Variants in ANKS6 observed in about 807,000 individuals in gnomAD.
The protein encoded by ANKS6 is ankyrin repeat and sterile alpha motif domain containing 6, also known as ankyrin repeat and SAM domain-containing protein 6.
A neutral mutation model predicts 77.9 loss-of-function variants in ANKS6; 47 were observed. That is an observed-to-expected ratio of 0.60 (90% CI 0.48 to 0.77). The LOEUF is 0.77. ANKS6 is among the 30% of genes least tolerant of loss of function. The pLI is 0.00. For synonymous variants in ANKS6, 488 were observed against 501.7 expected (o/e 0.97, Z 0.37); for missense variants, 1,150 against 1,159.1 (o/e 0.99, Z 0.11).
chr9:98,767,514 A>G (rs1833367151), intron 11 of ANKS6, among the ~76,000 whole-genome samples: 1 of 152,182 alleles, frequency 6.6e-6, no homozygotes, highest in African/African-American at 2.4e-5. Flanking sequence ...CTGTGTCCTT[A>G]GAGCGGTTGC....
At chr9:98,750,932 A>C in intron 13 of ANKS6, 97 bp downstream of exon 13, 1 of 919,130 alleles carries the variant, frequency 1.1e-6, no homozygotes, top group Non-Finnish European at 1.7e-6. Flanking sequence ...TCAGTGCAAG[A>C]GATCAATCTA....
chr9:98,736,699 G>A, intron 14 of ANKS6, 76 bp from the exon 15 acceptor site: 1 of 1,503,952 alleles, frequency 6.6e-7, no homozygotes. Context: ...ACACAGTGTT[G>A]TTAATGTTCA....
Position 98,784,149 on chromosome 9 carries a change from G to A in ANKS6, c.916C>T (p.Gln306Ter). ...IFHALKMGNF[Q>*]LVKEIADEDP... The stretch of plus-strand genomic sequence containing the variant: ...TCATCGGCAATCTCTTTGACCAGCT[G>A]GAAGTTTCCTGCAAACACAAGCAGG... Residue 306 changes from glutamine (Q) to a stop codon, truncating the protein, a stop_gained, in exon 4 of 15, where the codon CAG becomes TAG. Coordinates refer to ENST00000353234, the MANE Select transcript of ANKS6 (RefSeq NM_173551.5). LOFTEE classifies it high-confidence loss of function. The A allele has an allele frequency of 6.6e-7, 1 of 1,524,252 alleles. No homozygotes were observed. Among genetic ancestry groups the A allele is most frequent in the Non-Finnish European group, 8.9e-7 (1 of 1,128,428 alleles). 94.4% of individuals were successfully genotyped at this position (1,524,252 alleles called of 1,614,324 possible).
intron 1 of ANKS6, among the ~76,000 whole-genome samples, chr9:98,792,137 ACCACACCTTCCCGCCTTCC>A (rs1470847363): frequency 6.6e-6 from 1 of 151,522 alleles, no homozygotes; most frequent in Non-Finnish European, 1.5e-5. Flanking sequence ...CTGCTCCCAA[ACCACACCTTCCCGCCTTCC>A]CCACACCTTC....
chr9:98,741,332 T>C (rs1771482447), intron 14 of ANKS6, among the ~76,000 whole-genome samples: 1 of 152,194 alleles, frequency 6.6e-6, no homozygotes, highest in Non-Finnish European at 1.5e-5. Context: ...TGGGTGCTTA[T>C]AATCCAAGCT....
chr9:98,732,391 C>A lies in ANKS6; in HGVS notation c.*4128G>T. On this transcript the variant is annotated 3_prime_UTR_variant, in exon 15 of 15. Transcript: ENST00000353234. ...ACTATCTTTCTTTCTGTCTGCCATG[C>A]CAGGAAATCCAGTGACAGCAAGACC... 8.2e-7 allele frequency: 1 copy of A among 1,215,708 alleles called. No individual in the cohort carries two copies. The highest frequency in any genetic ancestry group is 1.2e-6 in the Non-Finnish European group (1 of 868,048). 75.3% of individuals were successfully genotyped at this position (1,215,708 alleles called of 1,614,324 possible). A position where few individuals can be genotyped will look rare whatever the true frequency, so the allele number is the denominator to read the frequency against.
At chr9:98,751,126 A>G in intron 12 of ANKS6, 30 bp from the exon 13 acceptor site, 1 of 1,565,556 alleles carries the variant, frequency 6.4e-7, no homozygotes. Flanking sequence ...AAAAAAAACA[A>G]CACATTTTAG....
At chr9:98,769,876 C>T (rs1225610011) in intron 10 of ANKS6, among the ~76,000 whole-genome samples, 3 of 152,148 alleles carry the variant, frequency 2.0e-5, no homozygotes, top group Admixed American at 2.0e-4. Flanking sequence ...ATTATTGTGC[C>T]TTTTTATAAA....
At position 98,733,997 on chromosome 9, in the gene ANKS6, C is replaced by A; in HGVS notation, c.*2522G>T. 6 of 985,238 alleles carry A rather than the reference C, an allele frequency of 6.1e-6. No individual in the cohort carries two copies. The highest frequency in any genetic ancestry group is 7.2e-6 in the Non-Finnish European group (6 of 829,912). 61.0% of individuals were successfully genotyped at this position (985,238 alleles called of 1,614,324 possible). On this transcript the variant is annotated 3_prime_UTR_variant, in exon 15 of 15. Coordinates refer to ENST00000353234, the MANE Select transcript of ANKS6 (RefSeq NM_173551.5). ...GGGAAGGGAAGGGGGTGATCAAGGA[C>A]CAAAAATCAGAAAAACAAGCACCCA...
chr9:98,764,584 A>T (rs551826834), intron 11 of ANKS6, among the ~76,000 whole-genome samples: 9 of 151,912 alleles, frequency 5.9e-5, no homozygotes, highest in Admixed American at 3.9e-4. Context: ...CTTGTGATTC[A>T]GTTGGGGTAA....
chr9:98,740,598 G>T (rs896080789), intron 14 of ANKS6, among the ~76,000 whole-genome samples: 2 of 152,158 alleles, frequency 1.3e-5, no homozygotes. Flanking sequence ...CACCATCTTA[G>T]CCTTAATTTC....
At chr9:98,769,352 A>G (rs910322272) in intron 10 of ANKS6, among the ~76,000 whole-genome samples, 1 of 152,212 alleles carries the variant, frequency 6.6e-6, no homozygotes, top group Non-Finnish European at 1.5e-5. Flanking sequence ...CCCTGATTCC[A>G]GCAAATTTAA....
intron 1 of ANKS6, among the ~76,000 whole-genome samples, chr9:98,794,234 G>A (rs559638961): frequency 2.0e-5 from 3 of 152,052 alleles, no homozygotes; most frequent in Non-Finnish European, 2.9e-5. Flanking sequence ...AAGGCACAGG[G>A]TGTCTAATAG....
rs993485958 is a variant in ANKS6 at position 98,734,274 on chromosome 9, T to C, written c.*2245A>G. 45 of 985,470 alleles carry C rather than the reference T, an allele frequency of 4.6e-5. No homozygotes were observed. The African/African-American group carries it at 7.3e-4, about 16-fold the overall frequency. The allele number at this position is 985,470 out of a possible 1,614,324, so 61.0% of individuals were successfully genotyped here. A position where few individuals can be genotyped will look rare whatever the true frequency, so the allele number is the denominator to read the frequency against. ...TGCTGTCCTGTCTGCAAAATGGGAA[T>C]AGCCCCGCTCTGTCCAGGGTCATCC... On this transcript the variant is annotated 3_prime_UTR_variant, in exon 15 of 15. Coordinates refer to ENST00000353234, the MANE Select transcript of ANKS6 (RefSeq NM_173551.5).
Position 98,796,509 on chromosome 9 carries a change from G to A in ANKS6, c.-18C>T, listed in dbSNP as rs1835187554. The stretch of plus-strand genomic sequence containing the variant: ...TCGCCCATCGCCGCCGCCACGCGCG[G>A]CCCGCTCCCGTCCGCCCCGCCGGCC... On this transcript the variant is annotated 5_prime_UTR_variant, in exon 1 of 15. Transcript: ENST00000353234. 1 of 986,266 alleles carries A rather than the reference G, an allele frequency of 1.0e-6. No homozygotes were observed. Among genetic ancestry groups the A allele is most frequent in the South Asian group, 4.5e-5 (1 of 22,092 alleles). 61.1% of individuals were successfully genotyped at this position (986,266 alleles called of 1,614,324 possible).
At chr9:98,762,047 T>G (rs1833042643) in intron 11 of ANKS6, among the ~76,000 whole-genome samples, 1 of 152,200 alleles carries the variant, frequency 6.6e-6, no homozygotes, top group Non-Finnish European at 1.5e-5. Flanking sequence ...TTTAAGCTTC[T>G]TTATCAGTGT....
At chr9:98,739,758 A>AATTTTTTTTTTTTT (rs1831711959) in intron 14 of ANKS6, among the ~76,000 whole-genome samples, 3 of 88,858 alleles carry the variant, frequency 3.4e-5, no homozygotes, top group African/African-American at 1.5e-4. Context: ...TGGATTAAAC[A>AATTTTTTTTTTTTT]TTTTTTTTTT....
chr9:98,793,587 C>T (rs989736540), intron 1 of ANKS6, among the ~76,000 whole-genome samples: 40 of 152,024 alleles, frequency 2.6e-4, no homozygotes, highest in Admixed American at 2.1e-3. Context: ...GTGGCGCGAT[C>T]TCAGCTTACT....
At chr9:98,758,211 A>C (rs1832819136) in intron 11 of ANKS6, among the ~76,000 whole-genome samples, 1 of 152,058 alleles carries the variant, frequency 6.6e-6, no homozygotes, top group Non-Finnish European at 1.5e-5. Context: ...GTATTTTTTA[A>C]GCTCTGGGCC....
Sources: gnomAD v4.1 joint callset for allele counts (sites outside exome capture counted in the v4.1 genomes callset) on GRCh38, gnomAD v4.1.1 for gene constraint, MANE v1.5 for transcripts, NCBI Gene and HGNC (gene_info 2026-07-23, HGNC 2026-07-21) for gene names.